PYGL: variants seen among roughly 807,000 people sequenced by gnomAD.
The protein encoded by PYGL is glycogen phosphorylase, liver form.
PYGL carries 90 observed loss-of-function variants against 100.1 expected under a neutral mutation model. The ratio of observed to expected loss-of-function variants is 0.90; its 90% CI spans 0.76 to 1.07. The LOEUF (loss-of-function observed/expected upper bound fraction) is 1.07. Ranked by LOEUF, PYGL falls within the 50% of genes least tolerant of loss-of-function variation. PYGL has a pLI of 0.00. For synonymous variants in PYGL, 373 were observed against 393.0 expected, an observed-to-expected ratio of 0.95 and a Z score of 0.60; for missense variants, 1,016 against 1,057.6, an observed-to-expected ratio of 0.96 and a Z score of 0.55.
At chr14:50,910,498 C>G (rs1162595264) in intron 16 of PYGL, among the ~76,000 whole-genome samples, 2 of 151,962 alleles carry the variant, frequency 1.3e-5, no homozygotes, top group African/African-American at 4.8e-5. Context: ...CTCTGTCACC[C>G]AGGCTGGAGT....
At position 50,910,088 on chromosome 14, in the gene PYGL, C is replaced by G. The variant is rs901836262; in HGVS notation, c.1984G>C (p.Asp662His). 1.9e-6 allele frequency: 3 copies of G among 1,613,810 alleles called. No homozygotes were observed. The African/African-American group carries it at 4.0e-5, about 22-fold the overall frequency. Residue 662 changes from aspartate to histidine, a missense_variant, in exon 17 of 20, where the codon GAT becomes CAT. By Grantham distance (81) the Asp-to-His change is moderately conservative (BLOSUM62 -1). Coordinates refer to ENST00000216392, the MANE Select transcript of PYGL (RefSeq NM_002863.5). The stretch of plus-strand genomic sequence containing the variant: ...GCAGTGGAAATCTGCTCTGACAGAT[C>G]TGTGGCTGGAATGACTGCAAGAAAG... ...SLAEKVIPAT[D>H]LSEQISTAGT...
chr14:50,916,847 A>G (rs2050456381), intron 8 of PYGL, 113 bp from the exon 9 acceptor site: 1 of 1,546,900 alleles, frequency 6.5e-7, no homozygotes, highest in African/African-American at 1.4e-5. Flanking sequence ...GAAAGACTTG[A>G]TGCACACTAT....
Position 50,905,467 on chromosome 14 carries a change from T to C in PYGL, c.2469A>G (p.Gln823=). ...CTGAAGGTTCCACGTTCCAGATGTT[T>C]TGGGCATATTCTTTAATTGTTCGGT... ...SSDRTIKEYA[Q]NIWNVEPSDL... Residue 823 remains glutamine (Q), a synonymous_variant, in exon 20 of 20, where the codon CAA becomes CAG. Transcript: ENST00000216392. 2.5e-6 allele frequency: 4 copies of C among 1,613,880 alleles called. No individual in the cohort carries two copies. Among genetic ancestry groups the C allele is most frequent in the African/African-American group, 1.3e-5 (1 of 75,042 alleles).
At chr14:50,934,646 T>C (rs1043716923) in intron 3 of PYGL, among the ~76,000 whole-genome samples, 39 of 151,876 alleles carry the variant, frequency 2.6e-4, no homozygotes, top group African/African-American at 8.4e-4. Flanking sequence ...TTTACATGTG[T>C]GTGTATGTGT....
At position 50,920,547 on chromosome 14, in the gene PYGL, A is replaced by T; in HGVS notation, c.849T>A (p.Asn283Lys). 2 of 1,611,114 alleles carry T rather than the reference A, an allele frequency of 1.2e-6. No homozygotes were observed. Among genetic ancestry groups the T allele is most frequent in the Non-Finnish European group, 1.7e-6 (2 of 1,177,292 alleles). Residue 283 changes from asparagine (N) to lysine (K), a missense_variant, in exon 7 of 20, where the codon AAT becomes AAA. Asn to Lys is a moderately conservative substitution (Grantham distance 94, BLOSUM62 0). Coordinates refer to ENST00000216392, the MANE Select transcript of PYGL (RefSeq NM_002863.5). ...AGCAACCTTGATCACTCACATTGTCATTGGGATAGAGGACCCGGGAGATGT... is the reference window on the plus strand; with the variant it reads ...AGCAACCTTGATCACTCACATTGTCTTTGGGATAGAGGACCCGGGAGATGT... The part of the protein sequence containing the change: ...AENISRVLYP[N>K]DNFFEGKELR...
intron 1 of PYGL, 139 bp from the exon 2 acceptor site, chr14:50,937,976 C>T (rs769144312): frequency 8.0e-5 from 63 of 783,866 alleles, no homozygotes; most frequent in Non-Finnish European, 1.3e-4. Flanking sequence ...ATGAGACTCC[C>T]GTCAGAGGTG....
At chr14:50,907,827 C>T (rs894324109) in intron 19 of PYGL, among the ~76,000 whole-genome samples, 1 of 151,988 alleles carries the variant, frequency 6.6e-6, no homozygotes, top group African/African-American at 2.4e-5. Flanking sequence ...GGGTGAATCA[C>T]CTGAGGTCAG....
chr14:50,925,450 T>C (rs1045149170), intron 4 of PYGL, among the ~76,000 whole-genome samples: 3 of 152,252 alleles, frequency 2.0e-5, no homozygotes. Flanking sequence ...TTATTTTACC[T>C]ATTTGATACC....
chr14:50,908,040 AAT>A, intron 19 of PYGL: 1 of 357,390 alleles, frequency 2.8e-6, no homozygotes, highest in Non-Finnish European at 5.1e-6. Flanking sequence ...AAAAAAAAAA[AAT>A]TACAACTCCT....
chr14:50,913,471 A>T (rs1239269741), intron 12 of PYGL: 3 of 155,638 alleles, frequency 1.9e-5, no homozygotes, highest in Admixed American at 6.5e-5. Context: ...TCCTGGGTTC[A>T]TGCCATTCTC....
intron 5 of PYGL, among the ~76,000 whole-genome samples, chr14:50,921,921 A>G (rs999676930): frequency 2.0e-5 from 3 of 152,240 alleles, no homozygotes; most frequent in Non-Finnish European, 2.9e-5. Context: ...TTAAAGTTGC[A>G]TAAGGAGTTA....
chr14:50,934,808 G>C (rs12887698), intron 3 of PYGL, among the ~76,000 whole-genome samples: 14,278 of 152,124 alleles, frequency 0.094, 916 homozygotes, highest in African/African-American at 0.19. Context: ...GTGATCAAAG[G>C]GGGTGCTAGC....
At chr14:50,912,367 T>TC in intron 13 of PYGL, 64 bp from the exon 14 acceptor site, 1 of 1,580,618 alleles carries the variant, frequency 6.3e-7, no homozygotes, top group East Asian at 2.2e-5. Context: ...GTCTGGTTTT[T>TC]CTTTTTTTTG....
intron 5 of PYGL, 67 bp downstream of exon 5, chr14:50,923,902 T>C: frequency 6.5e-7 from 1 of 1,528,826 alleles, no homozygotes; most frequent in Non-Finnish European, 9.1e-7. Flanking sequence ...ATATGCTACA[T>C]AGTCAATGTA....
intron 3 of PYGL, among the ~76,000 whole-genome samples, chr14:50,933,963 G>A (rs1309299346): frequency 6.6e-6 from 1 of 152,058 alleles, no homozygotes; most frequent in Non-Finnish European, 1.5e-5. Context: ...AGTACATCTA[G>A]GTCAATTTTG....
At chr14:50,921,969 A>G (rs1285667567) in intron 5 of PYGL, among the ~76,000 whole-genome samples, 2 of 152,254 alleles carry the variant, frequency 1.3e-5, no homozygotes, top group Non-Finnish European at 2.9e-5. Context: ...AAATCAGCTG[A>G]TAATTAGCTG....
Position 50,905,506 on chromosome 14 carries a change from C to A in PYGL, c.2430G>T (p.Gly810=), listed in dbSNP as rs746208990. Reference sequence around the variant, plus strand: ...TAATTGTTCGGTCACTGGAGAATTTCCCCGAGGCAGCTATGTTTTTGAGTA... The same window carrying A: ...TAATTGTTCGGTCACTGGAGAATTTACCCGAGGCAGCTATGTTTTTGAGTA... The part of the protein sequence containing the change: ...TMVLKNIAAS[G]KFSSDRTIKE... The change falls in exon 20 of 20, where the codon GGG becomes GGT. Residue 810 remains glycine, a synonymous_variant. Transcript: ENST00000216392. The A allele has an allele frequency of 6.2e-7, 1 of 1,613,988 alleles. No individual in the cohort carries two copies. The highest frequency in any genetic ancestry group is 2.2e-5 in the East Asian group (1 of 44,874).
At chr14:50,931,985 A>G (rs1442749208) in intron 3 of PYGL, among the ~76,000 whole-genome samples, 3 of 152,226 alleles carry the variant, frequency 2.0e-5, no homozygotes, top group Non-Finnish European at 4.4e-5. Flanking sequence ...GAAAAGTTAG[A>G]AAATGCAAAA....
intron 4 of PYGL, 139 bp downstream of exon 4, chr14:50,931,534 G>T: frequency 1.3e-6 from 1 of 752,924 alleles, no homozygotes; most frequent in Non-Finnish European, 2.2e-6. Context: ...AAGATGGATA[G>T]ATAGAACTCA....
Sources: gnomAD v4.1 joint callset for allele counts (sites outside exome capture counted in the v4.1 genomes callset) on GRCh38, gnomAD v4.1.1 for gene constraint, MANE v1.5 for transcripts, NCBI Gene and HGNC (gene_info 2026-07-23, HGNC 2026-07-21) for gene names.